MAP3K4: variants seen among roughly 807,000 people sequenced by gnomAD.
MAP3K4 encodes the protein mitogen-activated protein kinase kinase kinase 4.
In MAP3K4, 67 loss-of-function variants were observed where a neutral mutation model predicts 185.6. The observed-to-expected ratio is 0.36, with a 90% CI of 0.30 to 0.44. The LOEUF is 0.44. Among genes scored for constraint, MAP3K4 ranks in the 20% least tolerant of loss-of-function variants. The pLI is 1.00. For missense variants in MAP3K4, 1,551 were observed against 1,995.1 expected (o/e 0.78, Z 4.24); for synonymous variants, 702 against 710.4 (o/e 0.99, Z 0.19).
chr6:161,052,080 A>G (rs1009724135), intron 3 of MAP3K4, among the ~76,000 whole-genome samples: 3 of 152,120 alleles, frequency 2.0e-5, no homozygotes, highest in African/African-American at 7.2e-5. Flanking sequence ...AGTGGTTCTT[A>G]TAGGAGAGCA....
chr6:161,029,486 C>T (rs1012087661), intron 1 of MAP3K4, among the ~76,000 whole-genome samples: 6 of 152,162 alleles, frequency 3.9e-5, no homozygotes, highest in African/African-American at 1.4e-4. Flanking sequence ...CATACTTTGC[C>T]TAGACCAGAC....
At position 161,098,325 on chromosome 6, in the gene MAP3K4, CTGCTGCTGCTGCTGCTGCTGCTGCTGT is replaced by C; in HGVS notation, c.3579_3605del (p.Ala1194_Ala1202del). On this transcript the variant is annotated inframe_deletion, in exon 17 of 27. Coordinates refer to ENST00000392142, the MANE Select transcript of MAP3K4 (RefSeq NM_005922.4). The surrounding 1 kb of genome is among the most constrained non-coding windows in gnomAD (Gnocchi z 4.4). ...GCGCGGAGCCATGGCAGCCCTGCTG[CTGCTGCTGCTGCTGCTGCTGCTGCTGT>C]TGCTGCCAGTCGGCCCAGCCCCTCT... The C allele has an allele frequency of 6.6e-7, 1 of 1,506,110 alleles. No individual in the cohort carries two copies. The highest frequency in any genetic ancestry group is 9.1e-7 in the Non-Finnish European group (1 of 1,098,080). 93.3% of individuals were successfully genotyped at this position (1,506,110 alleles called of 1,614,324 possible).
At chr6:161,028,006 T>C (rs972095968) in intron 1 of MAP3K4, among the ~76,000 whole-genome samples, 1 of 152,200 alleles carries the variant, frequency 6.6e-6, no homozygotes, top group African/African-American at 2.4e-5. Context: ...ACCTGGTGGC[T>C]AGCTTTCCCA....
chr6:161,097,377 T>A lies in MAP3K4; in HGVS notation c.3524+201T>A, dbSNP rs534364046. ...TGCAAATTTAAAACAGACCTGTGCC[T>A]TTCAAGATAACTTCGTTTCTCAGCT... On this transcript the variant is annotated intron_variant, in intron 16 of 26. Coordinates refer to ENST00000392142, the MANE Select transcript of MAP3K4 (RefSeq NM_005922.4). The surrounding 1 kb of genome is among the most constrained non-coding windows in gnomAD (Gnocchi z 4.9). 2.6e-5 allele frequency among the ~76,000 whole-genome samples: 4 copies of A among 152,374 alleles called. No individual in the cohort carries two copies. The highest frequency in any genetic ancestry group is 3.4e-3 in the Middle Eastern group (1 of 294).
chr6:161,057,434 A>AAATTCAGGATTCT (rs1784292219), intron 3 of MAP3K4, among the ~76,000 whole-genome samples: 1 of 152,224 alleles, frequency 6.6e-6, no homozygotes, highest in African/African-American at 2.4e-5. Context: ...AGAGGGATTC[A>AAATTCAGGATTCT]AATTCAGGAT....
intron 7 of MAP3K4, among the ~76,000 whole-genome samples, chr6:161,085,440 G>A (rs1264090516): frequency 1.3e-5 from 2 of 152,236 alleles, no homozygotes; most frequent in East Asian, 1.9e-4. Flanking sequence ...ACTCTTTGTG[G>A]TATATATATC....
intron 1 of MAP3K4, among the ~76,000 whole-genome samples, chr6:160,993,842 G>C (rs1424507985): frequency 1.4e-5 from 1 of 72,606 alleles, no homozygotes; most frequent in Non-Finnish European, 3.0e-5. Flanking sequence ...AGCAGTGTAC[G>C]GAACAAGAAG....
rs1338316226 is a variant in MAP3K4, at chr6:161,074,015, C to T, written c.2097+403C>T. Among the ~76,000 whole-genome samples the T allele has an allele frequency of 6.6e-6, 1 of 152,158 alleles. No individual in the cohort carries two copies. The highest frequency in any genetic ancestry group is 1.5e-5 in the Non-Finnish European group (1 of 68,034). ...TGTTAGTGAACCGTCTGTCATCAGC[C>T]ATTTTTATAATACCTAGGATGTGCT... On this transcript the variant is annotated intron_variant, in intron 5 of 26. Coordinates refer to ENST00000392142, the MANE Select transcript of MAP3K4 (RefSeq NM_005922.4). The surrounding 1 kb of genome is among the most constrained non-coding windows in gnomAD (Gnocchi z 5.0).
At position 161,024,210 on chromosome 6, in the gene MAP3K4, C is replaced by T. The variant is rs569809225; in HGVS notation, c.153-10049C>T. Among the ~76,000 whole-genome samples, 14 of 152,232 alleles carry T rather than the reference C, an allele frequency of 9.2e-5. No individual in the cohort carries two copies. The South Asian group carries it at 2.1e-3, about 23-fold the overall frequency. ...TGTCAAACTGCTGGCTTCCAGTGAT[C>T]CTCCCGCCTCTGCCTCCTAGAGTGT... On this transcript the variant is annotated intron_variant, in intron 1 of 26. Transcript: ENST00000392142.
chr6:161,078,674 T>C (rs1173315047), intron 5 of MAP3K4, among the ~76,000 whole-genome samples: 1 of 152,110 alleles, frequency 6.6e-6, no homozygotes, highest in Non-Finnish European at 1.5e-5. Flanking sequence ...AAAGGGCCAC[T>C]GGAGATGGAG....
rs376034037 is a variant in MAP3K4 at position 161,049,339 on chromosome 6, G to A, written c.1067G>A (p.Arg356Gln). Reference protein sequence around the residue: ...RQRVSFEQVKRIMELLEYIEA... With the variant: ...RQRVSFEQVKQIMELLEYIEA... ...AGGGTCTCATTTGAGCAGGTAAAAC[G>A]GATAATGGAGCTGCTAGAGTACATA... Residue 356 changes from arginine to glutamine, a missense_variant, in exon 3 of 27, where the codon CGG (arginine) becomes CAG (glutamine). Physicochemically the swap from Arg to Gln is conservative, Grantham distance 43. Transcript: ENST00000392142. The surrounding 1 kb of genome is among the most constrained non-coding windows in gnomAD (Gnocchi z 8.4). 84 of 1,614,110 alleles carry A rather than the reference G, an allele frequency of 5.2e-5. No individual in the cohort carries two copies. Among genetic ancestry groups the A allele is most frequent in the Middle Eastern group, 3.3e-4 (2 of 6,062 alleles).
chr6:160,998,370 T>A lies in MAP3K4; in HGVS notation c.152+6287T>A, dbSNP rs988052133. Among the ~76,000 whole-genome samples the A allele has an allele frequency of 6.6e-5, 10 of 152,332 alleles. No individual in the cohort carries two copies. In the East Asian group the frequency reaches 1.9e-3, roughly 29 times the overall value. On this transcript the variant is annotated intron_variant, in intron 1 of 26. Coordinates refer to ENST00000392142, the MANE Select transcript of MAP3K4 (RefSeq NM_005922.4). ...TAATTTTTCCTAAAACTTTTTATGA[T>A]GAACGTGTTACACATTTTATTTTAA... is the stretch of plus-strand genomic sequence containing the variant.
Position 161,084,419 on chromosome 6 carries a change from C to T in MAP3K4, c.2256-82C>T, listed in dbSNP as rs1785597548. ...TAAACCATTAGAGCAGTAGCTGAGC[C>T]TTTCAAGTTTCTCAGTCAAGAATTA... On this transcript the variant is annotated intron_variant, in intron 6 of 26. Transcript: ENST00000392142. This position sits in a 1 kb window ranked among gnomAD's most constrained non-coding sequence, Gnocchi z 4.6. The T allele has an allele frequency of 1.4e-6, 1 of 735,502 alleles. No homozygotes were observed. The highest frequency in any genetic ancestry group is 2.4e-6 in the Non-Finnish European group (1 of 411,650). 45.6% of individuals were successfully genotyped at this position (735,502 alleles called of 1,614,324 possible).
chr6:161,086,594 T>C lies in MAP3K4; in HGVS notation c.2483T>C (p.Ile828Thr). ...FAKMLRKDLE[I>T]AAEFRLSAPV... The stretch of plus-strand genomic sequence containing the variant: ...TAACTGTGATCCTAGGACCTGGAAA[T>C]AGCAGCAGAATTCAGGCTTTCAGCC... The change falls in exon 9 of 27, where the codon ATA becomes ACA. Residue 828 changes from isoleucine (I) to threonine (T), a missense_variant. Ile to Thr is a moderately conservative substitution (Grantham distance 89, BLOSUM62 -1). This residue lies in a region of MAP3K4 where 261 missense variants were observed against 306.5 expected (regional missense o/e 0.85). Transcript: ENST00000392142. The surrounding 1 kb of genome is among the most constrained non-coding windows in gnomAD (Gnocchi z 4.8). The C allele has an allele frequency of 1.2e-6, 2 of 1,613,962 alleles. No individual in the cohort carries two copies. Among genetic ancestry groups the C allele is most frequent in the Non-Finnish European group, 1.7e-6 (2 of 1,179,924 alleles).
Position 161,048,714 on chromosome 6 carries a change from G to A in MAP3K4, c.442G>A (p.Ala148Thr), listed in dbSNP as rs1783859247. The change falls in exon 3 of 27, where the codon GCA becomes ACA. Residue 148 changes from alanine (A) to threonine (T), a missense_variant. Physicochemically the swap from Ala to Thr is moderately conservative, Grantham distance 58 (BLOSUM62 0). Coordinates refer to ENST00000392142, the MANE Select transcript of MAP3K4 (RefSeq NM_005922.4). The surrounding 1 kb of genome is among the most constrained non-coding windows in gnomAD (Gnocchi z 4.7). Reference protein sequence around the residue: ...YSYKQEKKIRAALRTTERDRK... With the variant: ...YSYKQEKKIRTALRTTERDRK... The stretch of plus-strand genomic sequence containing the variant: ...CTATAAGCAGGAGAAAAAGATCCGA[G>A]CAGCTCTTAGAACAACAGAGCGTGA... 6.2e-7 allele frequency: 1 copy of A among 1,613,926 alleles called. No individual in the cohort carries two copies. The highest frequency in any genetic ancestry group is 8.5e-7 in the Non-Finnish European group (1 of 1,179,930).
chr6:161,097,118 C>T lies in MAP3K4; in HGVS notation c.3466C>T (p.Arg1156Ter). Residue 1156 changes from arginine to a stop codon, truncating the protein, a stop_gained, in exon 16 of 27, where the codon CGA becomes TGA. Transcript: ENST00000392142. LOFTEE classifies it high-confidence loss of function. The surrounding 1 kb of genome is among the most constrained non-coding windows in gnomAD (Gnocchi z 4.9). ...RNSPRPMKVP[R>*]CHSDPPNPHL... ...CAGCCCCCGTCCTATGAAGGTACCTCGATGCCATAGTGACCCTCCTAACCC... is the reference window on the plus strand; with the variant it reads ...CAGCCCCCGTCCTATGAAGGTACCTTGATGCCATAGTGACCCTCCTAACCC... 1.9e-6 allele frequency: 3 copies of T among 1,614,108 alleles called. No homozygotes were observed. Among genetic ancestry groups the T allele is most frequent in the Admixed American group, 1.7e-5 (1 of 60,014 alleles).
At position 161,094,662 on chromosome 6, in the gene MAP3K4, T is replaced by G. The variant is rs1168258012; in HGVS notation, c.3427+811T>G. ...ACTAACTGTATTTCATATAGGGTAC[T>G]TGCTGGCTGCAGAAAATTCAGTAGA... is the stretch of plus-strand genomic sequence containing the variant. On this transcript the variant is annotated intron_variant, in intron 15 of 26. Transcript: ENST00000392142. Among the ~76,000 whole-genome samples, 7 of 152,368 alleles carry G rather than the reference T, an allele frequency of 4.6e-5. No individual in the cohort carries two copies. In the East Asian group the frequency reaches 1.3e-3, roughly 29 times the overall value.
intron 2 of MAP3K4, among the ~76,000 whole-genome samples, chr6:161,042,695 A>G (rs1259109737): frequency 6.6e-6 from 1 of 152,190 alleles, no homozygotes; most frequent in Non-Finnish European, 1.5e-5. Context: ...TTAATATAGC[A>G]GAAGGAAGTA....
In MAP3K4 at chr6:161,108,596, T is replaced by C. The variant is rs1190451116; in HGVS notation, c.4120-147T>C. The C allele has an allele frequency of 3.2e-6, 2 of 630,470 alleles. No individual in the cohort carries two copies. The highest frequency in any genetic ancestry group is 4.1e-4 in the Middle Eastern group (1 of 2,418). 39.1% of individuals were successfully genotyped at this position (630,470 alleles called of 1,614,324 possible). A position where few individuals can be genotyped will look rare whatever the true frequency, so the allele number is the denominator to read the frequency against. On this transcript the variant is annotated intron_variant, in intron 21 of 26. Transcript: ENST00000392142. The surrounding 1 kb of genome is among the most constrained non-coding windows in gnomAD (Gnocchi z 5.7). ...ACTTCACTCTAGCTTGGCTAAAAAC[T>C]TCCTTTTTACTTAATTTTTTGTTGT... is the stretch of plus-strand genomic sequence containing the variant.
Sources: gnomAD v4.1 joint callset for allele counts (sites outside exome capture counted in the v4.1 genomes callset) on GRCh38, gnomAD v4.1.1 for gene constraint, gnomAD v4.1.1 regional missense constraint, Gnocchi (gnomAD v3.1) non-coding constraint, MANE v1.5 for transcripts, NCBI Gene and HGNC (gene_info 2026-07-23, HGNC 2026-07-21) for gene names.